NSRP1: variants seen among roughly 807,000 people sequenced by gnomAD.
The protein encoded by NSRP1 is coiled-coil domain containing 55.
Under a neutral mutation model 54.7 loss-of-function variants are expected in NSRP1, and 24 were observed. That is an observed-to-expected ratio of 0.44 (90% CI 0.32 to 0.62). The LOEUF is 0.62. NSRP1 is among the 20% of genes least tolerant of loss of function. The pLI is 0.06. For synonymous variants in NSRP1, 210 were observed against 213.8 expected (o/e 0.98, Z 0.15); for missense variants, 596 against 651.2 (o/e 0.92, Z 0.92).
At position 30,184,897 on chromosome 17, in the gene NSRP1, C is replaced by G; in HGVS notation, c.900C>G (p.Thr300=). 1 of 1,614,070 alleles carries G rather than the reference C, an allele frequency of 6.2e-7. No homozygotes were observed. The highest frequency in any genetic ancestry group is 1.1e-5 in the South Asian group (1 of 91,068). ...RSPSEERGHS[T]RHHTKGSRTS... is the part of the protein sequence containing the mutation. ...CTAGTGAAGAAAGAGGGCACAGTAC[C>G]AGGCACCACACGAAAGGATCACGAA... Residue 300 remains threonine (T), a synonymous_variant, in exon 7 of 7, where the codon ACC becomes ACG. Coordinates refer to ENST00000247026, the MANE Select transcript of NSRP1 (RefSeq NM_032141.4).
At chr17:30,165,985 T>TA (rs1258990199) in intron 2 of NSRP1, among the ~76,000 whole-genome samples, 15 of 152,062 alleles carry the variant, frequency 9.9e-5, no homozygotes, top group Non-Finnish European at 2.9e-5. Flanking sequence ...TTCTGGTGAA[T>TA]AATCCAAGAA....
intron 3 of NSRP1, among the ~76,000 whole-genome samples, chr17:30,177,359 C>T (rs1188272135): frequency 6.9e-6 from 1 of 144,998 alleles, no homozygotes; most frequent in Non-Finnish European, 1.5e-5. Flanking sequence ...TGCGACAGAG[C>T]GAGACCCCAT....
In NSRP1 at chr17:30,185,155, A is replaced by T. The variant is rs757374562; in HGVS notation, c.1158A>T (p.Lys386Asn). The change falls in exon 7 of 7, where the codon AAA becomes AAT. Residue 386 changes from lysine (K) to asparagine (N), a missense_variant. Lys to Asn is a moderately conservative substitution (Grantham distance 94, BLOSUM62 0). Transcript: ENST00000247026. ...RVWKREKDREKYSQREQERDR... is the reference protein window; with the variant it reads ...RVWKREKDRENYSQREQERDR... Reference sequence around the variant, plus strand: ...GGAAAAGGGAGAAAGATAGGGAGAAATATTCCCAAAGAGAACAAGAAAGAG... The same window carrying T: ...GGAAAAGGGAGAAAGATAGGGAGAATTATTCCCAAAGAGAACAAGAAAGAG... The T allele has an allele frequency of 6.3e-7, 1 of 1,589,654 alleles. No homozygotes were observed. The highest frequency in any genetic ancestry group is 8.6e-7 in the Non-Finnish European group (1 of 1,167,534).
intron 3 of NSRP1, among the ~76,000 whole-genome samples, chr17:30,176,092 T>TG (rs1242714095): frequency 2.9e-5 from 4 of 136,832 alleles, no homozygotes; most frequent in Non-Finnish European, 4.6e-5. Context: ...ACTGTTTTTT[T>TG]TTGTTGTTGT....
intron 2 of NSRP1, among the ~76,000 whole-genome samples, chr17:30,138,909 G>GGTTTTTTT (rs2071774173): frequency 1.7e-5 from 1 of 58,140 alleles, no homozygotes. Flanking sequence ...AAGTCTTAGC[G>GGTTTTTTT]TTTTTTTTTT....
chr17:30,159,438 T>C (rs980214303), intron 2 of NSRP1, among the ~76,000 whole-genome samples: 25 of 152,272 alleles, frequency 1.6e-4, no homozygotes, highest in Non-Finnish European at 3.2e-4. Flanking sequence ...ACTTCCTCTT[T>C]TCCAGTTTGG....
Position 30,185,570 on chromosome 17 carries a change from A to T in NSRP1, c.1573A>T (p.Lys525Ter). Residue 525 changes from lysine (K) to a stop codon, truncating the protein, a stop_gained, in exon 7 of 7, where the codon AAG becomes TAG. Transcript: ENST00000247026. LOFTEE classifies it high-confidence loss of function. ...ACCTGAGGCAGTGAGCAAGTTTGCA[A>T]AGCGGAACAATGAAGAAACTGTAAT... ...RPPEAVSKFA[K>*]RNNEETVMSA... 1 of 1,614,188 alleles carries T rather than the reference A, an allele frequency of 6.2e-7. No individual in the cohort carries two copies.
At chr17:30,154,147 C>A (rs562223031) in intron 2 of NSRP1, among the ~76,000 whole-genome samples, 1 of 151,810 alleles carries the variant, frequency 6.6e-6, no homozygotes, top group South Asian at 2.1e-4. Context: ...ATACTGAGAC[C>A]CCATCTCTAC....
intron 2 of NSRP1, among the ~76,000 whole-genome samples, chr17:30,155,322 C>T (rs2071951597): frequency 1.3e-5 from 2 of 151,944 alleles, no homozygotes; most frequent in Non-Finnish European, 2.9e-5. Flanking sequence ...CTTTCATTTC[C>T]TTAAATTTCA....
At chr17:30,118,749 CTT>C (rs570877718) in intron 2 of NSRP1, among the ~76,000 whole-genome samples, 58 of 138,512 alleles carry the variant, frequency 4.2e-4, no homozygotes, top group Admixed American at 5.1e-4. Flanking sequence ...TTTCTTTTCT[CTT>C]TTTTTTTTTT....
intron 3 of NSRP1, among the ~76,000 whole-genome samples, chr17:30,173,271 T>G (rs1469571748): frequency 1.3e-5 from 2 of 152,212 alleles, no homozygotes; most frequent in Non-Finnish European, 2.9e-5. Context: ...GCCTGATAAT[T>G]TTTAAAAGAC....
chr17:30,130,360 AAGT>A (rs1386825790), intron 2 of NSRP1, among the ~76,000 whole-genome samples: 4 of 152,042 alleles, frequency 2.6e-5, no homozygotes, highest in Non-Finnish European at 4.4e-5. Flanking sequence ...CAGCCTCTCA[AAGT>A]ACTGGGATTA....
At chr17:30,142,236 A>T (rs1054485816) in intron 2 of NSRP1, among the ~76,000 whole-genome samples, 1 of 152,212 alleles carries the variant, frequency 6.6e-6, no homozygotes, top group African/African-American at 2.4e-5. Flanking sequence ...AGTATTTTAA[A>T]TATCTCTTTT....
intron 2 of NSRP1, among the ~76,000 whole-genome samples, chr17:30,168,581 A>G (rs958857644): frequency 1.8e-4 from 26 of 148,432 alleles, no homozygotes; most frequent in African/African-American, 6.1e-4. Context: ...AAGTATAATA[A>G]TAATAATAAT....
Position 30,182,071 on chromosome 17 carries a change from TTA to T in NSRP1, c.617+1056_617+1057del, listed in dbSNP as rs1491350111. Reference sequence around the variant, plus strand: ...TGCTTTTTTTTTTTTTTTTTTTTTTTTAAATAAGAATGTGGGTATTCCTCATG... The same window carrying T: ...TGCTTTTTTTTTTTTTTTTTTTTTTTAATAAGAATGTGGGTATTCCTCATG... On this transcript the variant is annotated intron_variant, in intron 6 of 6. Coordinates refer to ENST00000247026, the MANE Select transcript of NSRP1 (RefSeq NM_032141.4). Among the ~76,000 whole-genome samples the T allele has an allele frequency of 1.3e-4, 15 of 118,816 alleles. No homozygotes were observed. The East Asian group carries it at 4.6e-3, about 37-fold the overall frequency. The allele number at this position is 118,816 out of a possible 152,430, so 77.9% of individuals were successfully genotyped here.
Position 30,180,987 on chromosome 17 carries a change from A to G in NSRP1, c.588A>G (p.Glu196=), listed in dbSNP as rs1567807896. 1 of 1,612,516 alleles carries G rather than the reference A, an allele frequency of 6.2e-7. No individual in the cohort carries two copies. Among genetic ancestry groups the G allele is most frequent in the Non-Finnish European group, 8.5e-7 (1 of 1,178,616 alleles). Residue 196 remains glutamate, a synonymous_variant, in exon 6 of 7, where the codon GAA becomes GAG. Transcript: ENST00000247026. ...TAAATCAAGCAGTTGGTGAAGAGGA[A>G]GTACCTAAATGCAGCTTTCGTGAAG... ...HLLNQAVGEE[E]VPKCSFREAR...
chr17:30,146,005 A>G (rs1027372826), intron 2 of NSRP1, among the ~76,000 whole-genome samples: 5 of 150,232 alleles, frequency 3.3e-5, no homozygotes, highest in Non-Finnish European at 5.9e-5. Context: ...GCATGCCACC[A>G]TGCCCAGCTA....
intron 2 of NSRP1, among the ~76,000 whole-genome samples, chr17:30,165,391 T>C (rs535584810): frequency 1.3e-5 from 2 of 152,326 alleles, no homozygotes; most frequent in South Asian, 2.1e-4. Context: ...GGTGTTGATA[T>C]TGTACTCTAT....
intron 2 of NSRP1, among the ~76,000 whole-genome samples, chr17:30,153,640 T>A (rs1360953269): frequency 6.6e-6 from 1 of 151,912 alleles, no homozygotes; most frequent in East Asian, 1.9e-4. Context: ...TAAAATAAAG[T>A]TTTATTGGAA....
Sources: allele counts gnomAD v4.1 joint callset (sites outside exome capture counted in the v4.1 genomes callset), GRCh38; gene constraint gnomAD v4.1.1; transcripts MANE v1.5; gene names NCBI Gene and HGNC (gene_info 2026-07-23, HGNC 2026-07-21).